Variants in DKC1 observed in about 807,000 individuals in gnomAD.
DKC1 encodes dyskerin pseudouridine synthase 1.
In DKC1, 4 loss-of-function variants were observed where a neutral mutation model predicts 46.7. That is an observed-to-expected ratio of 0.09 (90% confidence interval 0.04 to 0.20). The LOEUF (loss-of-function observed/expected upper bound fraction) is 0.20. DKC1 is among the 10% of genes least tolerant of loss of function. The pLI is 1.00. For missense variants in DKC1, 171 were observed against 404.2 expected, an observed-to-expected ratio of 0.42 and a Z score of 4.95; for synonymous variants, 141 against 142.4, an observed-to-expected ratio of 0.99 and a Z score of 0.07.
intron 7 of DKC1, among the ~76,000 whole-genome samples, chrX:154,767,873 C>T (rs1557264394): frequency 2.7e-5 from 2 of 73,098 alleles, no homozygotes; most frequent in Non-Finnish European, 2.4e-5. Flanking sequence ...TTTTTTGAGA[C>T]GGAGTCTCGC....
intron 12 of DKC1, 44 bp from the exon 13 acceptor site, chrX:154,775,151 G>T (rs1401959713): frequency 8.7e-7 from 1 of 1,143,401 alleles, no homozygotes; most frequent in East Asian, 3.0e-5. Context: ...TACTGCCCTG[G>T]AAAGCCATTC....
chrX:154,773,469 C>G (rs2071851302), intron 11 of DKC1, among the ~76,000 whole-genome samples: 1 of 108,943 alleles, frequency 9.2e-6, no homozygotes, highest in South Asian at 4.0e-4. Flanking sequence ...TGTCTGTGTC[C>G]CTGATTACTT....
In DKC1 at chrX:154,776,602, C is replaced by T. The variant is rs180890232; in HGVS notation, c.1477-197C>T. On this transcript the variant is annotated intron_variant, in intron 14 of 14. Transcript: ENST00000369550. ...TAGGATGGTGATCTGAATGTTTCCA[C>T]TTCCAAAAGTAGACCACTAGGGTGT... 3.3e-3 allele frequency among the ~76,000 whole-genome samples: 367 copies of T among 111,945 alleles called. 1 individual carries two copies. Among genetic ancestry groups the T allele is most frequent in the African/African-American group, 0.011 (349 of 30,786 alleles).
rs370788135 is a variant in DKC1, at chrX:154,776,201, T to A, written c.1353T>A (p.Ser451Arg). 1.6e-5 allele frequency: 19 copies of A among 1,208,977 alleles called. No homozygotes were observed. The highest frequency in any genetic ancestry group is 2.0e-5 in the Non-Finnish European group (18 of 894,801). Residue 451 changes from serine to arginine, a missense_variant, in exon 14 of 15, where the codon AGT (serine) becomes AGA (arginine). Coordinates refer to ENST00000369550, the MANE Select transcript of DKC1 (RefSeq NM_001363.5). ...AAKTAKRKRE[S>R]ESESDETPPA... ...TTTCATCTCAGCGGAAGCGAGAGAG[T>A]GAGAGTGAAAGTGACGAGACTCCTC...
At chrX:154,769,746 A>AT (rs1167428560) in intron 9 of DKC1, among the ~76,000 whole-genome samples, 1 of 112,738 alleles carries the variant, frequency 8.9e-6, no homozygotes, top group Admixed American at 9.3e-5. Context: ...AGATGTTCAC[A>AT]TTTTTTGTAT....
chrX:154,763,861 G>C (rs2071711681), intron 1 of DKC1, among the ~76,000 whole-genome samples: 1 of 111,883 alleles, frequency 8.9e-6, no homozygotes, highest in Non-Finnish European at 1.9e-5. Flanking sequence ...TGTCTAAGCA[G>C]AAAAAGGACA....
Position 154,776,251 on chromosome X carries a change from A to C in DKC1, c.1403A>C (p.Lys468Thr). Residue 468 changes from lysine (K) to threonine (T), a missense_variant, in exon 14 of 15, where the codon AAG becomes ACG. Physicochemically the swap from Lys to Thr is moderately conservative, Grantham distance 78. Coordinates refer to ENST00000369550, the MANE Select transcript of DKC1 (RefSeq NM_001363.5). ...TPPAAPQLIK[K>T]EKKKSKKDKK... is the part of the protein sequence containing the mutation. Reference sequence around the variant, plus strand: ...CCAGCAGCTCCTCAGTTGATCAAGAAGGAAAAGAAGAAGAGTAAGAAGGAC... The same window carrying C: ...CCAGCAGCTCCTCAGTTGATCAAGACGGAAAAGAAGAAGAGTAAGAAGGAC... 3 of 1,211,863 alleles carry C rather than the reference A, an allele frequency of 2.5e-6. No homozygotes were observed. The highest frequency in any genetic ancestry group is 3.4e-6 in the Non-Finnish European group (3 of 895,354).
chrX:154,774,562 T>C, intron 11 of DKC1, 40 bp from the exon 12 acceptor site: 1 of 1,129,779 alleles, frequency 8.9e-7, no homozygotes, highest in Non-Finnish European at 1.2e-6. Flanking sequence ...GCTTCCAGCA[T>C]TGACACCATT....
rs1393228767 is a variant in DKC1, at chrX:154,768,812, C to T, written c.772-355C>T. 25 of 265,197 alleles carry T rather than the reference C, an allele frequency of 9.4e-5. 1 individual carries two copies. The East Asian group carries it at 2.1e-3, about 22-fold the overall frequency. The allele number at this position is 265,197 out of a possible 1,213,427, so 21.9% of individuals were successfully genotyped here. The stretch of plus-strand genomic sequence containing the variant: ...CATCCTGGCTAACAAGGTGAAACCC[C>T]GTCTCTACTAAAAATACAAAAAAAA... On this transcript the variant is annotated intron_variant, in intron 8 of 14. Transcript: ENST00000369550.
At chrX:154,774,727 G>C (rs2071872952) in intron 12 of DKC1, 22 bp downstream of exon 12, 1 of 1,159,224 alleles carries the variant, frequency 8.6e-7, no homozygotes, top group Non-Finnish European at 1.2e-6. Flanking sequence ...ATGTTTCAGA[G>C]CCGGGGTGGG....
At chrX:154,773,864 C>T (rs1001887364) in intron 11 of DKC1, among the ~76,000 whole-genome samples, 1 of 112,185 alleles carries the variant, frequency 8.9e-6, no homozygotes, top group African/African-American at 3.2e-5. Flanking sequence ...CTCCTCACTT[C>T]CCAGTAGGGG....
intron 2 of DKC1, chrX:154,765,205 T>A: frequency 2.1e-6 from 1 of 474,059 alleles, no homozygotes; most frequent in Non-Finnish European, 3.7e-6. Flanking sequence ...GTCTTCCTTA[T>A]GCCACCCACA....
Position 154,775,352 on chromosome X carries a change from T to C in DKC1, c.1338+79T>C, listed in dbSNP as rs1298117208. The C allele has an allele frequency of 6.2e-6, 6 of 967,186 alleles. No individual in the cohort carries two copies. The African/African-American group carries it at 1.1e-4, about 18-fold the overall frequency. The allele number at this position is 967,186 out of a possible 1,213,427, so 79.7% of individuals were successfully genotyped here. A position where few individuals can be genotyped will look rare whatever the true frequency, so the allele number is the denominator to read the frequency against. ...AGGCACTGGCATTCGTCTTACTTTGTGACTGTCCGCAGTCCAGCCATATAC... is the reference window on the plus strand; with the variant it reads ...AGGCACTGGCATTCGTCTTACTTTGCGACTGTCCGCAGTCCAGCCATATAC... On this transcript the variant is annotated intron_variant, in intron 13 of 14. Coordinates refer to ENST00000369550, the MANE Select transcript of DKC1 (RefSeq NM_001363.5).
chrX:154,775,346 A>T (rs2071883293), intron 13 of DKC1, 73 bp downstream of exon 13: 4 of 997,866 alleles, frequency 4.0e-6, no homozygotes, highest in Non-Finnish European at 5.7e-6. Flanking sequence ...CATTCGTCTT[A>T]CTTTGTGACT....
intron 13 of DKC1, among the ~76,000 whole-genome samples, chrX:154,775,806 C>T (rs1237161115): frequency 8.9e-6 from 1 of 112,148 alleles, no homozygotes; most frequent in African/African-American, 3.2e-5. Context: ...ACTCAGAAAC[C>T]GGGGGCGGTA....
chrX:154,774,065 C>T (rs1015784031), intron 11 of DKC1, among the ~76,000 whole-genome samples: 5 of 112,205 alleles, frequency 4.5e-5, no homozygotes, highest in Admixed American at 9.3e-5. Flanking sequence ...TCTGGGTTGT[C>T]GATGAGTGGA....
chrX:154,777,144 CTG>C lies in DKC1; in HGVS notation c.*279_*280del. The C allele has an allele frequency of 3.8e-6, 1 of 264,739 alleles. No homozygotes were observed. Among genetic ancestry groups the C allele is most frequent in the Non-Finnish European group, 6.8e-6 (1 of 146,478 alleles). 21.8% of individuals were successfully genotyped at this position (264,739 alleles called of 1,213,427 possible). A position where few individuals can be genotyped will look rare whatever the true frequency, so the allele number is the denominator to read the frequency against. ...GAAGCCTCACCTTCAGACCCAGTAA[CTG>C]TCCGCAGCTGTCTGCTAGTGGTTGT... On this transcript the variant is annotated 3_prime_UTR_variant, in exon 15 of 15. Coordinates refer to ENST00000369550, the MANE Select transcript of DKC1 (RefSeq NM_001363.5).
chrX:154,770,467 T>TTA (rs782272867), intron 9 of DKC1, among the ~76,000 whole-genome samples: 13 of 67,766 alleles, frequency 1.9e-4, no homozygotes, highest in African/African-American at 7.6e-4. Context: ...GCCTGAAAAT[T>TTA]AAAAAAAAAA....
intron 6 of DKC1, 44 bp from the exon 7 acceptor site, chrX:154,767,212 T>C (rs1557264274): frequency 8.3e-7 from 1 of 1,211,011 alleles, no homozygotes; most frequent in Non-Finnish European, 1.1e-6. Flanking sequence ...ACTGCACATG[T>C]ACATTCTGAT....
Sources: allele counts gnomAD v4.1 joint callset (sites outside exome capture counted in the v4.1 genomes callset), GRCh38; gene constraint gnomAD v4.1.1; transcripts MANE v1.5; gene names NCBI Gene and HGNC (gene_info 2026-07-23, HGNC 2026-07-21).